The following NEK11 variants were observed in gnomAD, a reference collection of about 807,000 sequenced individuals.
NEK11 encodes the protein serine/threonine-protein kinase Nek11.
NEK11 carries 72 observed loss-of-function variants against 80.7 expected under a neutral mutation model. The observed-to-expected ratio is 0.89, with a 90% CI of 0.74 to 1.08. The LOEUF (loss-of-function observed/expected upper bound fraction) is 1.08, where lower values mean the gene tolerates loss of function less well. NEK11 is among the 50% of genes least tolerant of loss of function. NEK11 has a pLI of 0.00. For missense variants in NEK11, 764 were observed against 763.6 expected (o/e 1.00, Z -0.01); for synonymous variants, 251 against 260.7 (o/e 0.96, Z 0.36).
At chr3:131,154,201 C>T (rs1235768492) in intron 9 of NEK11, among the ~76,000 whole-genome samples, 1 of 152,084 alleles carries the variant, frequency 6.6e-6, no homozygotes, top group Non-Finnish European at 1.5e-5. Flanking sequence ...CCAGTAGAAC[C>T]TGCAGGTGGT....
At position 131,349,963 on chromosome 3, in the gene NEK11, A is replaced by G. The variant is rs989126708; in HGVS notation, c.*187A>G. On this transcript the variant is annotated 3_prime_UTR_variant, in exon 18 of 18. Coordinates refer to ENST00000383366, the MANE Select transcript of NEK11 (RefSeq NM_024800.5). ...AGCATGGCTGCCTATGCTTGGAGTC[A>G]TAAGTGTTATTTGGACTATACCCTG... is the stretch of plus-strand genomic sequence containing the variant. 5 of 593,414 alleles carry G rather than the reference A, an allele frequency of 8.4e-6. No individual in the cohort carries two copies. Among genetic ancestry groups the G allele is most frequent in the Non-Finnish European group, 1.2e-5 (4 of 335,526 alleles). 36.8% of individuals were successfully genotyped at this position (593,414 alleles called of 1,614,324 possible). A position where few individuals can be genotyped will look rare whatever the true frequency, so the allele number is the denominator to read the frequency against.
At chr3:131,098,402 C>T (rs2077805393) in intron 4 of NEK11, among the ~76,000 whole-genome samples, 1 of 152,192 alleles carries the variant, frequency 6.6e-6, no homozygotes, top group South Asian at 2.1e-4. Context: ...TCACAACCTA[C>T]TCATCTGTTT....
intron 6 of NEK11, chr3:131,133,264 C>A: frequency 2.2e-6 from 1 of 455,484 alleles, no homozygotes; most frequent in Non-Finnish European, 4.4e-6. Context: ...AACTGTACCT[C>A]TCCTCATAAC....
chr3:131,303,123 CTGTT>C (rs1344910589), intron 17 of NEK11, among the ~76,000 whole-genome samples: 4 of 152,072 alleles, frequency 2.6e-5, no homozygotes, highest in African/African-American at 9.7e-5. Flanking sequence ...GGTAAAAAGT[CTGTT>C]TGGTCTGAAA....
chr3:131,142,815 T>C (rs2087241687), intron 7 of NEK11, among the ~76,000 whole-genome samples: 1 of 152,180 alleles, frequency 6.6e-6, no homozygotes, highest in Admixed American at 6.5e-5. Context: ...ATTAGCCACA[T>C]TCTTATGGTA....
chr3:131,344,055 T>C (rs1463377813), intron 17 of NEK11, among the ~76,000 whole-genome samples: 1 of 152,268 alleles, frequency 6.6e-6, no homozygotes, highest in Non-Finnish European at 1.5e-5. Flanking sequence ...ATGGCTAGGC[T>C]GCAAATTTTC....
intron 6 of NEK11, among the ~76,000 whole-genome samples, chr3:131,133,079 A>G (rs1179552362): frequency 6.6e-6 from 1 of 152,148 alleles, no homozygotes; most frequent in Non-Finnish European, 1.5e-5. Context: ...AGATTTTTCA[A>G]ATATACTTTG....
intron 3 of NEK11, among the ~76,000 whole-genome samples, chr3:131,074,456 G>A (rs1233092642): frequency 6.6e-6 from 1 of 152,014 alleles, no homozygotes; most frequent in African/African-American, 2.4e-5. Context: ...ATAATGTATA[G>A]TGTGATTTTG....
chr3:131,326,237 T>C (rs2096964385), intron 17 of NEK11: 1 of 152,186 alleles, frequency 6.6e-6, no homozygotes, highest in Non-Finnish European at 1.5e-5. Flanking sequence ...TGCAGCTCCT[T>C]GCTATTCATC....
intron 14 of NEK11, among the ~76,000 whole-genome samples, chr3:131,205,217 G>GCAAAATCACAA (rs2094408801): frequency 6.6e-6 from 1 of 152,178 alleles, no homozygotes; most frequent in Admixed American, 6.6e-5. Flanking sequence ...GATAGGGCTA[G>GCAAAATCACAA]ATCAAATTGA....
chr3:131,332,722 A>C (rs1158661822), intron 17 of NEK11, among the ~76,000 whole-genome samples: 2 of 152,120 alleles, frequency 1.3e-5, no homozygotes, highest in African/African-American at 2.4e-5. Context: ...ACTTTGAAAA[A>C]AATTTAGACG....
intron 15 of NEK11, among the ~76,000 whole-genome samples, chr3:131,232,762 A>T (rs1401512843): frequency 6.6e-6 from 1 of 152,152 alleles, no homozygotes; most frequent in East Asian, 1.9e-4. Flanking sequence ...TGCCTCCAAG[A>T]GTTCCTGCTG....
At chr3:131,341,258 T>C (rs1182375234) in intron 17 of NEK11, among the ~76,000 whole-genome samples, 1 of 152,236 alleles carries the variant, frequency 6.6e-6, no homozygotes, top group Non-Finnish European at 1.5e-5. Flanking sequence ...ATGAGTTTGT[T>C]TATGGAATGA....
At position 131,152,542 on chromosome 3, in the gene NEK11, A is replaced by G. The variant is rs761534097; in HGVS notation, c.797+5A>G. On this transcript the variant is annotated splice_donor_5th_base_variant and intron_variant, in intron 8 of 17. Coordinates refer to ENST00000383366, the MANE Select transcript of NEK11 (RefSeq NM_024800.5). ...ACTAAATGCCATCATGGAAAGGTAT[A>G]GAAATAAACATGTTGTCACAGAAAT... 3 of 1,611,368 alleles carry G rather than the reference A, an allele frequency of 1.9e-6. No individual in the cohort carries two copies. In the South Asian group the frequency reaches 3.3e-5, roughly 18 times the overall value.
At chr3:131,335,136 T>C (rs1371210627) in intron 17 of NEK11, among the ~76,000 whole-genome samples, 2 of 152,234 alleles carry the variant, frequency 1.3e-5, no homozygotes, top group Non-Finnish European at 2.9e-5. Context: ...AGCATCATCC[T>C]GATACCAAAG....
At chr3:131,140,042 A>G (rs988408654) in intron 7 of NEK11, among the ~76,000 whole-genome samples, 1 of 152,208 alleles carries the variant, frequency 6.6e-6, no homozygotes, top group Admixed American at 6.5e-5. Flanking sequence ...CCATCATAAC[A>G]TATCACTTCT....
chr3:131,151,404 A>G (rs562524511), intron 7 of NEK11, among the ~76,000 whole-genome samples: 6 of 152,196 alleles, frequency 3.9e-5, no homozygotes, highest in South Asian at 2.1e-4. Context: ...TACATATCCA[A>G]AATTCTCTTA....
chr3:131,201,277 T>C (rs2094215554), intron 14 of NEK11, among the ~76,000 whole-genome samples: 1 of 151,168 alleles, frequency 6.6e-6, no homozygotes, highest in Admixed American at 6.6e-5. Context: ...AGTTAAAATA[T>C]TGGTTATTTC....
At chr3:131,333,689 C>A (rs2097133463) in intron 17 of NEK11, among the ~76,000 whole-genome samples, 1 of 152,150 alleles carries the variant, frequency 6.6e-6, no homozygotes, top group Non-Finnish European at 1.5e-5. Flanking sequence ...GATAAAGAGT[C>A]AAGACCCATC....
Sources: allele counts gnomAD v4.1 joint callset (sites outside exome capture counted in the v4.1 genomes callset), GRCh38; gene constraint gnomAD v4.1.1; transcripts MANE v1.5; gene names NCBI Gene and HGNC (gene_info 2026-07-23, HGNC 2026-07-21).